ARL14EPL: variants seen among roughly 807,000 people sequenced by gnomAD.
ARL14EPL encodes the protein ARF like GTPase 14 effector protein like.
A neutral mutation model predicts 15.9 loss-of-function variants in ARL14EPL; 17 were observed. That is an observed-to-expected ratio of 1.07 (90% confidence interval 0.73 to 1.60). The LOEUF is 1.60. Among genes scored for constraint, ARL14EPL ranks in the 40% most tolerant of loss-of-function variants. ARL14EPL has a pLI of 0.00. For missense variants in ARL14EPL, 214 were observed against 185.9 expected (o/e 1.15, Z -0.88); for synonymous variants, 78 against 63.8 (o/e 1.22, Z -1.06).
chr5:116,051,216 C>T, intron 1 of ARL14EPL: 1 of 415,680 alleles, frequency 2.4e-6, no homozygotes, highest in Non-Finnish European at 4.3e-6. Flanking sequence ...ATGCTAAGGA[C>T]TGTCAAAGGT....
chr5:116,056,826 A>G (rs1045804482), intron 3 of ARL14EPL, among the ~76,000 whole-genome samples: 1 of 152,156 alleles, frequency 6.6e-6, no homozygotes. Context: ...ATTTTTGTAT[A>G]AGGTGTAAGG....
At chr5:116,038,726 A>G (rs888704969) in intron 1 of ARL14EPL, among the ~76,000 whole-genome samples, 1 of 152,156 alleles carries the variant, frequency 6.6e-6, no homozygotes, top group African/African-American at 2.4e-5. Context: ...GGTGTGAAAA[A>G]GATGAAAATT....
chr5:116,036,331 C>T (rs1195646160), intron 1 of ARL14EPL, among the ~76,000 whole-genome samples: 5 of 152,154 alleles, frequency 3.3e-5, no homozygotes. Flanking sequence ...CATACATCTT[C>T]CGTAGACCAG....
chr5:116,038,915 C>G (rs959714111), intron 1 of ARL14EPL, among the ~76,000 whole-genome samples: 7 of 127,808 alleles, frequency 5.5e-5, no homozygotes, highest in Non-Finnish European at 8.5e-5. Flanking sequence ...GAGGCCAAAC[C>G]TGTAACACTT....
chr5:116,058,830 G>T lies in ARL14EPL; in HGVS notation c.342G>T (p.Lys114Asn), dbSNP rs1469167881. ...NCLGCFYPCP[K>N]CNSNKCGPEC... is the part of the protein sequence containing the mutation. The stretch of plus-strand genomic sequence containing the variant: ...TGGGCTGCTTCTACCCATGCCCGAA[G>T]TGTAACTCCAACAAGTGTGGGCCCG... The change falls in exon 4 of 4, where the codon AAG becomes AAT. Residue 114 changes from lysine to asparagine, a missense_variant. By Grantham distance (94) the Lys-to-Asn change is moderately conservative. Transcript: ENST00000686077. 45 of 1,535,994 alleles carry T rather than the reference G, an allele frequency of 2.9e-5. No homozygotes were observed. Among genetic ancestry groups the T allele is most frequent in the Non-Finnish European group, 3.7e-5 (42 of 1,146,914 alleles).
chr5:116,051,377 GA>G, intron 1 of ARL14EPL, 79 bp from the exon 2 acceptor site: 1 of 834,684 alleles, frequency 1.2e-6, no homozygotes, highest in Non-Finnish European at 1.9e-6. Context: ...CGTGTAGGGA[GA>G]GTAGAAAAGA....
chr5:116,058,343 T>C (rs774441129), intron 3 of ARL14EPL, among the ~76,000 whole-genome samples: 2 of 152,194 alleles, frequency 1.3e-5, no homozygotes, highest in African/African-American at 2.4e-5. Flanking sequence ...TCAAGAATGG[T>C]AATATTTTAA....
chr5:116,034,293 G>C (rs1040950127), intron 1 of ARL14EPL, among the ~76,000 whole-genome samples: 3 of 152,160 alleles, frequency 2.0e-5, no homozygotes, highest in African/African-American at 7.2e-5. Flanking sequence ...GTTCATTTAG[G>C]AGATTGTCCT....
At chr5:116,041,238 CT>C (rs1471523369) in intron 1 of ARL14EPL, among the ~76,000 whole-genome samples, 1 of 151,984 alleles carries the variant, frequency 6.6e-6, no homozygotes, top group African/African-American at 2.4e-5. Flanking sequence ...TATTCTATGG[CT>C]TTTGGCAAAC....
chr5:116,055,588 C>A (rs17138745), intron 3 of ARL14EPL, among the ~76,000 whole-genome samples: 7,639 of 151,934 alleles, frequency 0.05, 280 homozygotes, highest in East Asian at 0.16. Flanking sequence ...GGGATACCTA[C>A]ATATGTGTCA....
intron 1 of ARL14EPL, among the ~76,000 whole-genome samples, chr5:116,036,919 A>G (rs1324376719): frequency 7.2e-6 from 1 of 138,882 alleles, no homozygotes; most frequent in East Asian, 2.1e-4. Flanking sequence ...TTTTCCTTTA[A>G]AGGCAATTAA....
chr5:116,054,560 G>C (rs750630376), intron 3 of ARL14EPL, among the ~76,000 whole-genome samples: 2 of 152,176 alleles, frequency 1.3e-5, no homozygotes, highest in Non-Finnish European at 2.9e-5. Context: ...GGCTGGGCAC[G>C]GTGGCTCACA....
At chr5:116,054,658 C>T (rs1749472301) in intron 3 of ARL14EPL, among the ~76,000 whole-genome samples, 1 of 151,960 alleles carries the variant, frequency 6.6e-6, no homozygotes, top group African/African-American at 2.4e-5. Flanking sequence ...GGTGAAACCC[C>T]GTCTCTACTA....
At chr5:116,045,838 T>C (rs762373894) in intron 1 of ARL14EPL, among the ~76,000 whole-genome samples, 34 of 152,158 alleles carry the variant, frequency 2.2e-4, no homozygotes, top group Non-Finnish European at 4.7e-4. Context: ...ATACTGTAGA[T>C]AAAGTTGCTT....
chr5:116,033,837 G>C (rs1416289212), intron 1 of ARL14EPL, among the ~76,000 whole-genome samples: 1 of 152,200 alleles, frequency 6.6e-6, no homozygotes, highest in Admixed American at 6.5e-5. Flanking sequence ...ATTTAAAATA[G>C]AGTATATGTT....
intron 1 of ARL14EPL, among the ~76,000 whole-genome samples, chr5:116,046,474 C>G (rs1223607598): frequency 6.6e-6 from 1 of 152,170 alleles, no homozygotes; most frequent in Non-Finnish European, 1.5e-5. Context: ...GAGTGTCGCT[C>G]AATGACCTGT....
At chr5:116,043,082 T>A (rs2112671009) in intron 1 of ARL14EPL, among the ~76,000 whole-genome samples, 1 of 152,216 alleles carries the variant, frequency 6.6e-6, no homozygotes, top group South Asian at 2.1e-4. Context: ...TAAACAGTGC[T>A]GCAATGGATA....
At chr5:116,033,648 C>T (rs1748997840) in intron 1 of ARL14EPL, among the ~76,000 whole-genome samples, 1 of 151,772 alleles carries the variant, frequency 6.6e-6, no homozygotes, top group African/African-American at 2.4e-5. Flanking sequence ...ATGAAAAATA[C>T]AGGTAGATAT....
In ARL14EPL at chr5:116,059,146, T is replaced by C; in HGVS notation, c.*199T>C. 1.7e-6 allele frequency: 1 copy of C among 588,496 alleles called. No individual in the cohort carries two copies. Among genetic ancestry groups the C allele is most frequent in the Non-Finnish European group, 3.0e-6 (1 of 335,856 alleles). The allele number at this position is 588,496 out of a possible 1,614,324, so 36.5% of individuals were successfully genotyped here. A position where few individuals can be genotyped will look rare whatever the true frequency, so the allele number is the denominator to read the frequency against. ...CTGTGTCAACAATTTTCAAGTCCCT[T>C]AACTTGCAACCAAAGAATGTAACAA... is the stretch of plus-strand genomic sequence containing the variant. On this transcript the variant is annotated 3_prime_UTR_variant, in exon 4 of 4. Coordinates refer to ENST00000686077, the MANE Select transcript of ARL14EPL (RefSeq NM_001195581.2).
Sources: gnomAD v4.1 joint callset for allele counts (sites outside exome capture counted in the v4.1 genomes callset) on GRCh38, gnomAD v4.1.1 for gene constraint, MANE v1.5 for transcripts, NCBI Gene and HGNC (gene_info 2026-07-23, HGNC 2026-07-21) for gene names.